Variants in ITGB3BP observed in about 807,000 individuals in gnomAD.
ITGB3BP encodes the protein integrin subunit beta 3 binding protein.
In ITGB3BP, 27 loss-of-function variants were observed where a neutral mutation model predicts 29.1. The observed-to-expected ratio is 0.93, with a 90% CI of 0.68 to 1.28. The LOEUF (loss-of-function observed/expected upper bound fraction) is 1.28. Among genes scored for constraint, ITGB3BP ranks in the 50% most tolerant of loss-of-function variants. The probability of loss-of-function intolerance (pLI) is 0.00; values close to 1 mark genes in which losing one functional copy is unlikely to be tolerated. For missense variants in ITGB3BP, 192 were observed against 200.2 expected (o/e 0.96, Z 0.25); for synonymous variants, 61 against 61.4 (o/e 0.99, Z 0.03).
At chr1:63,481,729 CA>C (rs1236687815) in intron 3 of ITGB3BP, among the ~76,000 whole-genome samples, 1 of 152,180 alleles carries the variant, frequency 6.6e-6, no homozygotes, top group African/African-American at 2.4e-5. Context: ...GAAACACAAT[CA>C]ATAGTGATGA....
intron 8 of ITGB3BP, chr1:63,443,247 T>C (rs1644751514): frequency 6.6e-6 from 1 of 152,196 alleles, no homozygotes; most frequent in African/African-American, 2.4e-5. Flanking sequence ...CCCTTACGCA[T>C]ACCAGTCAGG....
At chr1:63,522,119 GTTTC>G (rs1481432628) in intron 1 of ITGB3BP, among the ~76,000 whole-genome samples, 8 of 152,244 alleles carry the variant, frequency 5.3e-5, no homozygotes, top group African/African-American at 1.9e-4. Context: ...TAGGTGATGG[GTTTC>G]TTTATCTGTA....
At chr1:63,487,867 T>A (rs1345441933) in intron 3 of ITGB3BP, among the ~76,000 whole-genome samples, 1 of 152,082 alleles carries the variant, frequency 6.6e-6, no homozygotes, top group East Asian at 1.9e-4. Context: ...GTGAGTAACG[T>A]GTTGTGCTAC....
chr1:63,475,926 A>G (rs1645330508), intron 4 of ITGB3BP, among the ~76,000 whole-genome samples: 1 of 144,928 alleles, frequency 6.9e-6, no homozygotes, highest in Admixed American at 7.1e-5. Context: ...TGAGCCCAGG[A>G]GGCGGAGGTT....
chr1:63,479,434 T>C (rs1220014153), intron 3 of ITGB3BP, among the ~76,000 whole-genome samples: 1 of 152,184 alleles, frequency 6.6e-6, no homozygotes, highest in Non-Finnish European at 1.5e-5. Context: ...TTACCTTACA[T>C]GCTTATCATT....
chr1:63,456,183 A>G (rs1222747691), intron 4 of ITGB3BP, among the ~76,000 whole-genome samples: 2 of 152,208 alleles, frequency 1.3e-5, no homozygotes, highest in Non-Finnish European at 2.9e-5. Context: ...TAAAAATAAG[A>G]CAAATATGTT....
At chr1:63,512,224 A>G (rs1319356758) in intron 1 of ITGB3BP, among the ~76,000 whole-genome samples, 1 of 152,098 alleles carries the variant, frequency 6.6e-6, no homozygotes, top group Non-Finnish European at 1.5e-5. Flanking sequence ...TTTTATAGAG[A>G]GAGTAACTAT....
intron 8 of ITGB3BP, among the ~76,000 whole-genome samples, chr1:63,445,372 C>G (rs758392209): frequency 2.9e-5 from 4 of 135,930 alleles, no homozygotes; most frequent in Non-Finnish European, 4.5e-5. Flanking sequence ...AGAATATAAG[C>G]TATTGTTACT....
intron 2 of ITGB3BP, among the ~76,000 whole-genome samples, chr1:63,504,789 T>A (rs1313686939): frequency 6.6e-6 from 1 of 152,222 alleles, no homozygotes; most frequent in Non-Finnish European, 1.5e-5. Context: ...TTGTCGTTGG[T>A]TCTGTTTATA....
rs376161822 is a variant in ITGB3BP, at chr1:63,495,318, A to G, written c.49-5100T>C. Among the ~76,000 whole-genome samples the G allele has an allele frequency of 1.4e-3, 217 of 152,364 alleles. 1 individual carries two copies. The highest frequency in any genetic ancestry group is 5.1e-3 in the African/African-American group (213 of 41,576). On this transcript the variant is annotated intron_variant, in intron 2 of 8. Transcript: ENST00000271002. ...ACAAATTTAGTCAACTGCTAAAGAT[A>G]ATATAAAAATATGAACCAAAAACAG...
chr1:63,496,872 C>T (rs903284291), intron 2 of ITGB3BP, among the ~76,000 whole-genome samples: 2 of 152,166 alleles, frequency 1.3e-5, no homozygotes, highest in Admixed American at 6.5e-5. Context: ...GAGCCTGGGC[C>T]AGGTGAAAGG....
chr1:63,472,690 T>C (rs1268037319), intron 4 of ITGB3BP, among the ~76,000 whole-genome samples: 1 of 150,948 alleles, frequency 6.6e-6, no homozygotes, highest in Non-Finnish European at 1.5e-5. Context: ...TTGGCCGGGC[T>C]GGTCTCCAGC....
In ITGB3BP at chr1:63,454,548, G is replaced by A; in HGVS notation, c.334-75C>T. On this transcript the variant is annotated intron_variant, in intron 5 of 8. Transcript: ENST00000271002. The surrounding 1 kb of genome is among the most constrained non-coding windows in gnomAD (Gnocchi z 4.1). ...TACTGACATGTCTAGTGAAAATACA[G>A]TATATTGTTTCCTTCATTTGAAAAA... is the stretch of plus-strand genomic sequence containing the variant. 1 of 678,338 alleles carries A rather than the reference G, an allele frequency of 1.5e-6. No homozygotes were observed. Among genetic ancestry groups the A allele is most frequent in the Non-Finnish European group, 2.5e-6 (1 of 395,438 alleles). 42.0% of individuals were successfully genotyped at this position (678,338 alleles called of 1,614,324 possible).
chr1:63,445,288 AAAAC>A (rs3063360), intron 8 of ITGB3BP, among the ~76,000 whole-genome samples: 4 of 151,318 alleles, frequency 2.6e-5, no homozygotes, highest in Admixed American at 6.6e-5. Flanking sequence ...TCCATTTCAA[AAAAC>A]AAACAAAACA....
chr1:63,474,748 AAC>A (rs1645300058), intron 4 of ITGB3BP, among the ~76,000 whole-genome samples: 1 of 151,280 alleles, frequency 6.6e-6, no homozygotes, highest in South Asian at 2.1e-4. Flanking sequence ...CAGGGACACA[AAC>A]ACTGCGGAAG....
intron 4 of ITGB3BP, among the ~76,000 whole-genome samples, chr1:63,475,133 C>G (rs1645312987): frequency 6.6e-6 from 1 of 152,020 alleles, no homozygotes; most frequent in African/African-American, 2.4e-5. Context: ...CACAACCACA[C>G]CCACCTAATT....
At chr1:63,517,658 G>T (rs1331532941) in intron 1 of ITGB3BP, among the ~76,000 whole-genome samples, 1 of 152,046 alleles carries the variant, frequency 6.6e-6, no homozygotes, top group Non-Finnish European at 1.5e-5. Flanking sequence ...TTGTTTTATA[G>T]ATTTTTTAGG....
chr1:63,479,002 A>C (rs1316793058), intron 3 of ITGB3BP, among the ~76,000 whole-genome samples, 169 bp from the exon 4 acceptor site: 3 of 152,122 alleles, frequency 2.0e-5, no homozygotes, highest in African/African-American at 4.8e-5. Context: ...CCATTTTCCT[A>C]ATTTCTTACT....
intron 3 of ITGB3BP, among the ~76,000 whole-genome samples, chr1:63,480,206 T>C (rs371930478): frequency 6.6e-6 from 1 of 152,162 alleles, no homozygotes; most frequent in African/African-American, 2.4e-5. Context: ...CGTGAAGACA[T>C]AGGATGTAAC....
Sources: gnomAD v4.1 joint callset for allele counts (sites outside exome capture counted in the v4.1 genomes callset) on GRCh38, gnomAD v4.1.1 for gene constraint, Gnocchi (gnomAD v3.1) non-coding constraint, MANE v1.5 for transcripts, NCBI Gene and HGNC (gene_info 2026-07-23, HGNC 2026-07-21) for gene names.